ENY2: variants seen among roughly 807,000 people sequenced by gnomAD.
ENY2 encodes transcription and mRNA export factor ENY2.
Under a neutral mutation model 15.9 loss-of-function variants are expected in ENY2, and 4 were observed. The observed-to-expected ratio is 0.25, with a 90% CI of 0.12 to 0.57. The LOEUF (loss-of-function observed/expected upper bound fraction) is 0.57, where lower values mean the gene tolerates loss of function less well. Among genes scored for constraint, ENY2 ranks in the 20% least tolerant of loss-of-function variants. The pLI is 0.91. For missense variants in ENY2, 54 were observed against 117.2 expected (o/e 0.46, Z 2.49); for synonymous variants, 48 against 38.0 (o/e 1.26, Z -0.97).
chr8:109,342,590 C>T (rs892479965), intron 4 of ENY2: 5 of 622,726 alleles, frequency 8.0e-6, no homozygotes, highest in Non-Finnish European at 1.4e-5. Context: ...GCTCACTAGC[C>T]CGGATCTCCC....
In ENY2 at chr8:109,345,016, A is replaced by G. The variant is rs1240472736; in HGVS notation, c.*1535A>G. 6.6e-6 allele frequency: 1 copy of G among 152,186 alleles called. No individual in the cohort carries two copies. 9.4% of individuals were successfully genotyped at this position (152,186 alleles called of 1,614,324 possible). On this transcript the variant is annotated 3_prime_UTR_variant, in exon 5 of 5. Transcript: ENST00000521688. The stretch of plus-strand genomic sequence containing the variant: ...GACATCGTGTTTCTCTAGTTAGACT[A>G]AAGAATCCCCACTATGAAGTTGTTT...
chr8:109,334,485 C>T lies in ENY2; in HGVS notation c.6+11C>T, dbSNP rs1815906593. On this transcript the variant is annotated intron_variant, in intron 1 of 4. Coordinates refer to ENST00000521688, the MANE Select transcript of ENY2 (RefSeq NM_020189.6). ...CCCGCGGTGATGGTGGTGAGCTATG[C>T]CCGTGGTCCTCAGGGCCGGGACCCG... The T allele has an allele frequency of 3.1e-6, 5 of 1,613,186 alleles. No individual in the cohort carries two copies. The East Asian group carries it at 1.1e-4, about 36-fold the overall frequency.
At chr8:109,342,160 C>A (rs912732939) in intron 4 of ENY2, among the ~76,000 whole-genome samples, 1 of 149,720 alleles carries the variant, frequency 6.7e-6, no homozygotes, top group East Asian at 1.9e-4. Flanking sequence ...TAGTTAACCC[C>A]CCCCTTTTTT....
intron 1 of ENY2, 143 bp from the exon 2 acceptor site, chr8:109,335,985 G>C: frequency 1.4e-6 from 1 of 704,538 alleles, no homozygotes; most frequent in Admixed American, 2.9e-5. Flanking sequence ...GTTTAATAAA[G>C]AGTAATGATA....
At chr8:109,341,334 A>C (rs1165851363) in intron 4 of ENY2, among the ~76,000 whole-genome samples, 1 of 152,130 alleles carries the variant, frequency 6.6e-6, no homozygotes, top group Non-Finnish European at 1.5e-5. Context: ...CAGAACATGA[A>C]TTTTTGAACT....
intron 3 of ENY2, 46 bp from the exon 4 acceptor site, chr8:109,340,443 G>A (rs765657145): frequency 3.1e-6 from 5 of 1,604,984 alleles, no homozygotes; most frequent in Non-Finnish European, 3.4e-6. Context: ...CTTTCTTACA[G>A]ATAATGATTT....
chr8:109,334,554 T>A (rs1392291959), intron 1 of ENY2, 80 bp downstream of exon 1: 1 of 1,504,964 alleles, frequency 6.6e-7, no homozygotes, highest in Non-Finnish European at 8.9e-7. Context: ...TTCGTTAGCG[T>A]CCCCGACCCG....
intron 4 of ENY2, chr8:109,342,693 C>G (rs1455229199): frequency 1.4e-6 from 1 of 697,528 alleles, no homozygotes; most frequent in East Asian, 2.7e-5. Flanking sequence ...TTTGTAGAGA[C>G]AGGTTTCGCC....
At chr8:109,338,676 T>G (rs1816045505) in intron 2 of ENY2, 1 of 152,198 alleles carries the variant, frequency 6.6e-6, no homozygotes, top group Admixed American at 6.5e-5. Flanking sequence ...ATTGCACCTG[T>G]GATGCCATTA....
intron 1 of ENY2, 157 bp downstream of exon 1, chr8:109,334,631 CTT>C (rs1815913996): frequency 6.2e-6 from 5 of 805,452 alleles, no homozygotes; most frequent in Non-Finnish European, 9.3e-6. Flanking sequence ...CCAGTCCTCG[CTT>C]TGTTTTCTGG....
At chr8:109,340,207 G>A (rs1418513664) in intron 3 of ENY2, among the ~76,000 whole-genome samples, 1 of 152,034 alleles carries the variant, frequency 6.6e-6, no homozygotes, top group African/African-American at 2.4e-5. Flanking sequence ...TAAGTTTTTG[G>A]CATTTTACAG....
intron 3 of ENY2, 99 bp from the exon 4 acceptor site, chr8:109,340,390 C>T: frequency 6.5e-7 from 1 of 1,538,424 alleles, no homozygotes; most frequent in Admixed American, 1.9e-5. Context: ...AAAAACCAGT[C>T]TACACTCTAA....
At chr8:109,335,092 T>C (rs1012513299) in intron 1 of ENY2, 2 of 152,274 alleles carry the variant, frequency 1.3e-5, no homozygotes, top group Admixed American at 6.5e-5. Flanking sequence ...ATTTAAACTT[T>C]TAAGTGGCTT....
chr8:109,334,509 C>G, intron 1 of ENY2, 35 bp downstream of exon 1: 1 of 1,607,766 alleles, frequency 6.2e-7, no homozygotes. Context: ...GGCCGGGACC[C>G]GGGCCCAGCC....
At chr8:109,341,446 T>G (rs1367424177) in intron 4 of ENY2, among the ~76,000 whole-genome samples, 1 of 152,146 alleles carries the variant, frequency 6.6e-6, no homozygotes, top group African/African-American at 2.4e-5. Flanking sequence ...CAAGTATGTC[T>G]CGGGGAAAGG....
intron 1 of ENY2, 117 bp downstream of exon 1, chr8:109,334,591 A>G (rs979460705): frequency 1.6e-6 from 2 of 1,288,076 alleles, no homozygotes; most frequent in Non-Finnish European, 2.1e-6. Context: ...GGGCTCTCCG[A>G]CAGGGCGTGC....
At chr8:109,336,384 G>A in intron 2 of ENY2, 180 bp downstream of exon 2, 3 of 576,906 alleles carry the variant, frequency 5.2e-6, no homozygotes, top group Non-Finnish European at 9.0e-6. Context: ...GGACTTGGAG[G>A]GAAGTGGTGA....
intron 2 of ENY2, 140 bp downstream of exon 2, chr8:109,336,344 A>G: frequency 2.6e-6 from 2 of 775,872 alleles, no homozygotes; most frequent in Non-Finnish European, 4.0e-6. Context: ...AACATCTGGA[A>G]AAAATAATTT....
intron 4 of ENY2, 159 bp downstream of exon 4, chr8:109,340,722 T>G: frequency 1.3e-6 from 1 of 778,156 alleles, no homozygotes. Flanking sequence ...TAGCATAGTC[T>G]GGGAGTAACA....
Sources: allele counts gnomAD v4.1 joint callset (sites outside exome capture counted in the v4.1 genomes callset), GRCh38; gene constraint gnomAD v4.1.1; transcripts MANE v1.5; gene names NCBI Gene and HGNC (gene_info 2026-07-23, HGNC 2026-07-21).